PSEN2: variants seen among roughly 807,000 people sequenced by gnomAD.
PSEN2 encodes presenilin-2.
In PSEN2, 32 loss-of-function variants were observed where a neutral mutation model predicts 49.1. That is an observed-to-expected ratio of 0.65 (90% CI 0.49 to 0.88). PSEN2 has a LOEUF of 0.88. Ranked by LOEUF, PSEN2 falls within the 40% of genes least tolerant of loss-of-function variation. The pLI is 0.00. For synonymous variants in PSEN2, 255 were observed against 244.0 expected (o/e 1.05, Z -0.42); for missense variants, 522 against 586.9 (o/e 0.89, Z 1.14).
chr1:226,886,967 T>C (rs998794870), intron 6 of PSEN2, among the ~76,000 whole-genome samples: 1 of 152,168 alleles, frequency 6.6e-6, no homozygotes, highest in Non-Finnish European at 1.5e-5. Flanking sequence ...AACAATTACC[T>C]GTGTAACTGT....
At chr1:226,884,253 T>C (rs1661203190) in intron 5 of PSEN2, among the ~76,000 whole-genome samples, 1 of 152,250 alleles carries the variant, frequency 6.6e-6, no homozygotes, top group Non-Finnish European at 1.5e-5. Context: ...TGGATCCTGC[T>C]GCAGAAAGCA....
At chr1:226,882,115 A>C (rs539755915) in intron 4 of PSEN2, 67 bp downstream of exon 4, 2 of 1,586,220 alleles carry the variant, frequency 1.3e-6, no homozygotes, top group African/African-American at 2.7e-5. Context: ...TACAGATGAA[A>C]ACCAGACATT....
rs1163242089 is a variant in PSEN2 at position 226,885,673 on chromosome 1, C to T, written c.492C>T (p.Cys164=). The T allele has an allele frequency of 8.1e-6, 13 of 1,607,748 alleles. No individual in the cohort carries two copies. The highest frequency in any genetic ancestry group is 1.1e-5 in the Non-Finnish European group (13 of 1,179,974). ...IFLVVLYKYR[C]YKFIHGWLIM... Reference sequence around the variant, plus strand: ...TGGTGGTGCTCTACAAGTACCGCTGCTACAAGGTGAGGCCCTGGCCCTGCC... The same window carrying T: ...TGGTGGTGCTCTACAAGTACCGCTGTTACAAGGTGAGGCCCTGGCCCTGCC... Residue 164 remains cysteine (C), a synonymous_variant, in exon 6 of 13, where the codon TGC becomes TGT. Transcript: ENST00000366783.
At chr1:226,889,934 A>G (rs1661626561) in intron 8 of PSEN2, 101 bp from the exon 9 acceptor site, 2 of 923,858 alleles carry the variant, frequency 2.2e-6, no homozygotes, top group Admixed American at 1.8e-5. Flanking sequence ...GAGGCAAGGC[A>G]TGCTCTGAGA....
At chr1:226,901,341 C>G (rs1259574098), downstream of PSEN2, among the ~76,000 whole-genome samples, 1 of 147,186 alleles carries the variant, frequency 6.8e-6, no homozygotes, top group East Asian at 2.0e-4. Flanking sequence ...GAGGCTGAGA[C>G]AGAAGAATCA....
intron 3 of PSEN2, among the ~76,000 whole-genome samples, chr1:226,881,602 G>A (rs557094637): frequency 1.3e-5 from 2 of 152,338 alleles, no homozygotes; most frequent in South Asian, 4.1e-4. Flanking sequence ...TTGAATGAAT[G>A]AGCACACTGA....
intron 10 of PSEN2, 87 bp downstream of exon 10, chr1:226,891,448 A>G: frequency 8.3e-7 from 1 of 1,204,758 alleles, no homozygotes. Context: ...GGCTTCCCTG[A>G]GAGGCATGAG....
At chr1:226,888,004 G>A (rs940669143) in intron 6 of PSEN2, 87 bp from the exon 7 acceptor site, 50 of 1,102,542 alleles carry the variant, frequency 4.5e-5, no homozygotes, top group Non-Finnish European at 6.4e-5. Context: ...GAGCATTCAG[G>A]CTTGGGTATC....
Position 226,873,164 on chromosome 1 carries a change from C to G in PSEN2, c.-207+1760C>G, listed in dbSNP as rs559098901. On this transcript the variant is annotated intron_variant, in intron 2 of 12. Coordinates refer to ENST00000366783, the MANE Select transcript of PSEN2 (RefSeq NM_000447.3). ...GGCACTCCAGCCTGGGCAACAAGAG[C>G]AAAACTCCATCTCAAAAAAAAAAAA... Among the ~76,000 whole-genome samples, 9 of 147,950 alleles carry G rather than the reference C, an allele frequency of 6.1e-5. No individual in the cohort carries two copies. In the East Asian group the frequency reaches 1.6e-3, roughly 27 times the overall value.
intron 6 of PSEN2, 152 bp downstream of exon 6, chr1:226,885,831 C>T: frequency 1.2e-6 from 1 of 820,514 alleles, no homozygotes. Flanking sequence ...CATCCTGTCT[C>T]CCACCGTGGA....
At chr1:226,900,152 C>T (rs186775204), downstream of PSEN2, among the ~76,000 whole-genome samples, 7 of 152,188 alleles carry the variant, frequency 4.6e-5, no homozygotes, top group East Asian at 1.9e-4. Flanking sequence ...AAATGGGCCC[C>T]GGGAGGCAGC....
At position 226,888,884 on chromosome 1, in the gene PSEN2, G is replaced by A; in HGVS notation, c.622G>A (p.Val208Ile). 1 of 1,614,222 alleles carries A rather than the reference G, an allele frequency of 6.2e-7. No individual in the cohort carries two copies. Among genetic ancestry groups the A allele is most frequent in the Non-Finnish European group, 8.5e-7 (1 of 1,180,034 alleles). The change falls in exon 8 of 13, where the codon GTC (valine) becomes ATC (isoleucine). Residue 208 changes from valine (V) to isoleucine (I), a missense_variant. By Grantham distance (29) the Val-to-Ile change is conservative (BLOSUM62 3). Coordinates refer to ENST00000366783, the MANE Select transcript of PSEN2 (RefSeq NM_000447.3). Reference protein sequence around the residue: ...AMDYPTLLLTVWNFGAVGMVC... With the variant: ...AMDYPTLLLTIWNFGAVGMVC... ...GGACTACCCCACCCTCTTGCTGACT[G>A]TCTGGAACTTCGGGGCAGTGGGCAT...
chr1:226,885,482 G>A, intron 5 of PSEN2, 56 bp from the exon 6 acceptor site: 1 of 1,594,908 alleles, frequency 6.3e-7, no homozygotes, highest in Non-Finnish European at 8.5e-7. Flanking sequence ...CTCAAGGTGG[G>A]GAGCCTCGAG....
downstream of PSEN2, among the ~76,000 whole-genome samples, chr1:226,896,905 A>T (rs988817676): frequency 1.3e-5 from 2 of 152,158 alleles, no homozygotes; most frequent in Non-Finnish European, 2.9e-5. Flanking sequence ...TTCCAGGAAT[A>T]ACATGAGTGC....
chr1:226,891,793 G>A lies in PSEN2; in HGVS notation c.1021G>A (p.Glu341Lys). 3 of 1,614,170 alleles carry A rather than the reference G, an allele frequency of 1.9e-6. No homozygotes were observed. Among genetic ancestry groups the A allele is most frequent in the South Asian group, 2.2e-5 (2 of 91,082 alleles). The change falls in exon 11 of 13, where the codon GAG becomes AAG. Residue 341 changes from glutamate to lysine, a missense_variant. Coordinates refer to ENST00000366783, the MANE Select transcript of PSEN2 (RefSeq NM_000447.3). ...GGAGCCTTCATACCCCGAAGTCTTT[G>A]AGCCTCCCTTGACTGGCTACCCAGG... ...FGEPSYPEVF[E>K]PPLTGYPGEE...
At chr1:226,873,175 C>T (rs1368966300) in intron 2 of PSEN2, among the ~76,000 whole-genome samples, 3 of 145,694 alleles carry the variant, frequency 2.1e-5, no homozygotes, top group African/African-American at 5.2e-5. Context: ...AAAACTCCAT[C>T]TCAAAAAAAA....
intron 2 of PSEN2, among the ~76,000 whole-genome samples, chr1:226,873,970 G>C (rs1173750009): frequency 6.6e-6 from 1 of 152,108 alleles, no homozygotes; most frequent in Admixed American, 6.5e-5. Context: ...CAGAGAAGCA[G>C]TGCCCTCTGT....
rs777235854 is a variant in PSEN2, at chr1:226,888,998, T to C, written c.736T>C (p.Tyr246His). The change falls in exon 8 of 13, where the codon TAC (tyrosine) becomes CAC (histidine). Residue 246 changes from tyrosine (Y) to histidine (H), a missense_variant. Physicochemically the swap from Tyr to His is moderately conservative, Grantham distance 83. Transcript: ENST00000366783. Reference protein sequence around the residue: ...SALMALVFIKYLPEWSAWVIL... With the variant: ...SALMALVFIKHLPEWSAWVIL... ...GCTCATGGCCCTAGTGTTCATCAAG[T>C]ACCTCCCAGAGTGGTCCGCGTGGGT... 1 of 1,614,156 alleles carries C rather than the reference T, an allele frequency of 6.2e-7. No individual in the cohort carries two copies. Among genetic ancestry groups the C allele is most frequent in the East Asian group, 2.2e-5 (1 of 44,884 alleles).
intron 2 of PSEN2, among the ~76,000 whole-genome samples, chr1:226,871,783 A>G (rs183214129): frequency 6.6e-6 from 1 of 152,338 alleles, no homozygotes; most frequent in African/African-American, 2.4e-5. Flanking sequence ...GTCTCGGGAT[A>G]AGCTGCTTCA....
Sources: gnomAD v4.1 joint callset for allele counts (sites outside exome capture counted in the v4.1 genomes callset) on GRCh38, gnomAD v4.1.1 for gene constraint, MANE v1.5 for transcripts, NCBI Gene and HGNC (gene_info 2026-07-23, HGNC 2026-07-21) for gene names.